Variants in C10orf90 observed in about 807,000 individuals in gnomAD.
C10orf90 encodes chromosome 10 open reading frame 90, also known as (E2-independent) E3 ubiquitin-conjugating enzyme FATS.
Under a neutral mutation model 62.5 loss-of-function variants are expected in C10orf90, and 56 were observed. That is an observed-to-expected ratio of 0.90 (90% CI 0.72 to 1.12). The LOEUF (loss-of-function observed/expected upper bound fraction) is 1.12, where lower values mean the gene tolerates loss of function less well. C10orf90 is among the 50% of genes most tolerant of loss of function. The pLI, the probability that C10orf90 is intolerant of heterozygous loss-of-function variation, is 0.00. For synonymous variants in C10orf90, 386 were observed against 340.4 expected (o/e 1.13, Z -1.47); for missense variants, 970 against 880.4 (o/e 1.10, Z -1.29).
chr10:126,667,116 T>C (rs1166858912), intron 1 of C10orf90, among the ~76,000 whole-genome samples: 1 of 151,924 alleles, frequency 6.6e-6, no homozygotes, highest in Admixed American at 6.6e-5. Context: ...TGGAGTGCAG[T>C]GGCACAATCT....
intron 7 of C10orf90, among the ~76,000 whole-genome samples, chr10:126,457,852 T>C (rs1014032679): frequency 1.3e-5 from 2 of 152,186 alleles, no homozygotes; most frequent in Admixed American, 6.5e-5. Context: ...CTGGAAACTA[T>C]ATCCCCATTG....
chr10:126,610,761 A>G (rs965820502), intron 2 of C10orf90, among the ~76,000 whole-genome samples: 2 of 152,210 alleles, frequency 1.3e-5, no homozygotes, highest in African/African-American at 4.8e-5. Flanking sequence ...ATCTATAGCT[A>G]TCATCAAACC....
chr10:126,628,514 C>T (rs1481986131), intron 2 of C10orf90, among the ~76,000 whole-genome samples: 1 of 152,118 alleles, frequency 6.6e-6, no homozygotes, highest in Non-Finnish European at 1.5e-5. Context: ...GACTCACCAT[C>T]AGCCCTCTGC....
At chr10:126,462,116 TC>T (rs1231054006) in intron 5 of C10orf90, among the ~76,000 whole-genome samples, 2 of 152,128 alleles carry the variant, frequency 1.3e-5, no homozygotes, top group Non-Finnish European at 1.5e-5. Flanking sequence ...ATTTTGACTT[TC>T]CCTTGTGGAA....
chr10:126,605,280 G>T (rs985264693), intron 2 of C10orf90, among the ~76,000 whole-genome samples: 1 of 150,968 alleles, frequency 6.6e-6, no homozygotes, highest in Non-Finnish European at 1.5e-5. Flanking sequence ...AGCAGGAAGG[G>T]ATTTCTCTGA....
At chr10:126,499,619 G>A (rs1343942423) in intron 4 of C10orf90, among the ~76,000 whole-genome samples, 1 of 152,160 alleles carries the variant, frequency 6.6e-6, no homozygotes, top group Admixed American at 6.5e-5. Context: ...TACCATCTAA[G>A]TGTGAGTAGG....
At chr10:126,599,608 C>T (rs1787322997) in intron 2 of C10orf90, among the ~76,000 whole-genome samples, 2 of 151,814 alleles carry the variant, frequency 1.3e-5, no homozygotes, top group African/African-American at 2.4e-5. Flanking sequence ...CTGATCGCCA[C>T]CCTCTGGCTG....
intron 4 of C10orf90, among the ~76,000 whole-genome samples, chr10:126,490,452 T>C (rs1473231726): frequency 6.6e-6 from 1 of 151,598 alleles, no homozygotes; most frequent in Non-Finnish European, 1.5e-5. Flanking sequence ...GAGTTAGTGT[T>C]TAATGGATGT....
At chr10:126,632,208 G>C (rs1231457531) in intron 2 of C10orf90, among the ~76,000 whole-genome samples, 1 of 152,006 alleles carries the variant, frequency 6.6e-6, no homozygotes, top group African/African-American at 2.4e-5. Flanking sequence ...CACACAACCA[G>C]TCCCTAGTTG....
chr10:126,530,857 G>C (rs1864073541), intron 2 of C10orf90, among the ~76,000 whole-genome samples: 1 of 152,096 alleles, frequency 6.6e-6, no homozygotes. Flanking sequence ...AAGCAAAAGA[G>C]AGAGGGAGAA....
chr10:126,546,602 G>T lies in C10orf90; in HGVS notation c.314-32663C>A, dbSNP rs562461533. Reference sequence around the variant, plus strand: ...CCTCCCCCCACCCAGGGAGATGTCAGTGGAGGCTGAGTGGGGAGCAGAGCT... The same window carrying T: ...CCTCCCCCCACCCAGGGAGATGTCATTGGAGGCTGAGTGGGGAGCAGAGCT... On this transcript the variant is annotated intron_variant, in intron 2 of 9. Coordinates refer to ENST00000488181, the MANE Select transcript of C10orf90 (RefSeq NM_001350921.2). Among the ~76,000 whole-genome samples the T allele has an allele frequency of 8.7e-4, 132 of 152,344 alleles. 1 individual carries two copies. The highest frequency in any genetic ancestry group is 3.1e-3 in the African/African-American group (130 of 41,588).
At chr10:126,581,568 C>G (rs974980874) in intron 2 of C10orf90, among the ~76,000 whole-genome samples, 3 of 152,116 alleles carry the variant, frequency 2.0e-5, no homozygotes, top group Admixed American at 6.5e-5. Flanking sequence ...AGACCTTTGC[C>G]TTTCATCTTT....
chr10:126,596,022 G>A lies in C10orf90; in HGVS notation c.313+50543C>T, dbSNP rs74158842. On this transcript the variant is annotated intron_variant, in intron 2 of 9. Transcript: ENST00000488181. ...TATAAAACTTATAGAATAAAACACAGGAGAAAATCTTTGTACCTTGGGGTA... is the reference window on the plus strand; with the variant it reads ...TATAAAACTTATAGAATAAAACACAAGAGAAAATCTTTGTACCTTGGGGTA... Among the ~76,000 whole-genome samples, 498 of 151,884 alleles carry A rather than the reference G, an allele frequency of 3.3e-3. 3 individuals are homozygous for A. The highest frequency in any genetic ancestry group is 0.012 in the African/African-American group (486 of 41,426).
intron 7 of C10orf90, among the ~76,000 whole-genome samples, chr10:126,445,677 G>A (rs1858717687): frequency 6.6e-6 from 1 of 151,942 alleles, no homozygotes; most frequent in Non-Finnish European, 1.5e-5. Context: ...TTTACCCAGA[G>A]GAAAAGAAGT....
At chr10:126,600,003 T>C (rs1347370216) in intron 2 of C10orf90, among the ~76,000 whole-genome samples, 3 of 152,218 alleles carry the variant, frequency 2.0e-5, no homozygotes, top group Non-Finnish European at 4.4e-5. Flanking sequence ...CCCCCAACAA[T>C]TTTCTTATTG....
chr10:126,442,744 T>C (rs1320191193), intron 7 of C10orf90, among the ~76,000 whole-genome samples: 1 of 141,534 alleles, frequency 7.1e-6, no homozygotes, highest in African/African-American at 2.6e-5. Flanking sequence ...TTCTCCATGA[T>C]AGACCATATG....
chr10:126,598,820 G>T (rs1845136660), intron 2 of C10orf90, among the ~76,000 whole-genome samples: 1 of 152,170 alleles, frequency 6.6e-6, no homozygotes, highest in Admixed American at 6.5e-5. Context: ...GAGGGGAAAG[G>T]AATGGATGAA....
At chr10:126,473,988 T>C (rs1169450040) in intron 4 of C10orf90, among the ~76,000 whole-genome samples, 2 of 152,074 alleles carry the variant, frequency 1.3e-5, no homozygotes, top group Non-Finnish European at 2.9e-5. Context: ...AGCAAGCAGA[T>C]TTTGGTGGCA....
At chr10:126,563,807 A>T (rs1274402670) in intron 2 of C10orf90, among the ~76,000 whole-genome samples, 2 of 152,188 alleles carry the variant, frequency 1.3e-5, no homozygotes, top group African/African-American at 4.8e-5. Context: ...TGCACTCATT[A>T]ACCAACACCG....
Sources: allele counts gnomAD v4.1 joint callset (sites outside exome capture counted in the v4.1 genomes callset), GRCh38; gene constraint gnomAD v4.1.1; transcripts MANE v1.5; gene names NCBI Gene and HGNC (gene_info 2026-07-23, HGNC 2026-07-21).